Variants in MDN1 observed in about 807,000 individuals in gnomAD.
The protein encoded by MDN1 is midasin.
A neutral mutation model predicts 669.2 loss-of-function variants in MDN1; 266 were observed. The observed-to-expected ratio is 0.40, with a 90% CI of 0.36 to 0.44. The LOEUF (loss-of-function observed/expected upper bound fraction) is 0.44, where lower values mean the gene tolerates loss of function less well. MDN1 is among the 20% of genes least tolerant of loss of function. MDN1 has a pLI of 1.00. For synonymous variants in MDN1, 2,385 were observed against 2,457.1 expected (o/e 0.97, Z 0.87); for missense variants, 5,940 against 6,754.0 (o/e 0.88, Z 4.22).
At chr6:89,799,278 AAGAC>A (rs1204010720) in intron 2 of MDN1, among the ~76,000 whole-genome samples, 2 of 152,260 alleles carry the variant, frequency 1.3e-5, no homozygotes, top group African/African-American at 2.4e-5. Flanking sequence ...TACCAATCAA[AAGAC>A]AGACAGCACT....
intron 53 of MDN1, 84 bp downstream of exon 53, chr6:89,705,975 A>G (rs1584234826): frequency 7.9e-7 from 1 of 1,273,076 alleles, no homozygotes; most frequent in Non-Finnish European, 1.1e-6. Context: ...TAACAACACT[A>G]AAGTTAGTCT....
chr6:89,792,265 G>T (rs1022602833), intron 5 of MDN1, among the ~76,000 whole-genome samples: 1 of 152,124 alleles, frequency 6.6e-6, no homozygotes, highest in Non-Finnish European at 1.5e-5. Flanking sequence ...AAATATGGCT[G>T]GTTCCCTAAA....
At chr6:89,661,205 AG>A (rs1241216481) in intron 88 of MDN1, among the ~76,000 whole-genome samples, 1 of 152,226 alleles carries the variant, frequency 6.6e-6, no homozygotes, top group Non-Finnish European at 1.5e-5. Flanking sequence ...AAGCGAGAAT[AG>A]GACATGACAG....
Position 89,644,113 on chromosome 6 carries a change from G to A in MDN1, c.16683C>T (p.Phe5561=). Residue 5561 remains phenylalanine (F), a synonymous_variant, in exon 102 of 102, where the codon TTC becomes TTT. Transcript: ENST00000369393. The part of the protein sequence containing the change: ...MPEIRSYMEE[F]PFPYYIILRD... ...GAAGAATGATATAGTATGGGAATGG[G>A]AACTCTTCCATGTAGGATCGGATTT... 1.2e-6 allele frequency: 2 copies of A among 1,613,908 alleles called. No individual in the cohort carries two copies.
intron 53 of MDN1, among the ~76,000 whole-genome samples, chr6:89,702,277 AAG>A (rs1813211663): frequency 1.3e-5 from 2 of 152,318 alleles, no homozygotes; most frequent in Admixed American, 1.3e-4. Flanking sequence ...AGAGGAGGTG[AAG>A]ATCTTTTCTC....
chr6:89,689,316 C>T (rs1812225925), intron 65 of MDN1, among the ~76,000 whole-genome samples: 1 of 152,178 alleles, frequency 6.6e-6, no homozygotes, highest in Admixed American at 6.5e-5. Flanking sequence ...TAGGTATAAA[C>T]AAATGGTGTA....
chr6:89,690,766 C>G lies in MDN1; in HGVS notation c.10656G>C (p.Leu3552=). 1 of 1,614,180 alleles carries G rather than the reference C, an allele frequency of 6.2e-7. No homozygotes were observed. The highest frequency in any genetic ancestry group is 1.3e-5 in the African/African-American group (1 of 75,040). Residue 3552 remains leucine, a synonymous_variant, in exon 64 of 102, where the codon CTG becomes CTC. Transcript: ENST00000369393. ...AQEKAEQESG[L]YRYRSRNSRT... ...TAGAGTTCCTGCTCCTGTATCTATA[C>G]AGGCCGCTTTCCTGCTCAGCCTTCT...
intron 90 of MDN1, among the ~76,000 whole-genome samples, chr6:89,657,397 G>C (rs1217337329): frequency 6.6e-6 from 1 of 152,170 alleles, no homozygotes; most frequent in African/African-American, 2.4e-5. Flanking sequence ...CAGGTCCTGC[G>C]TTGACATCCC....
chr6:89,746,765 A>G (rs1184684968), intron 27 of MDN1, among the ~76,000 whole-genome samples: 1 of 152,194 alleles, frequency 6.6e-6, no homozygotes, highest in Non-Finnish European at 1.5e-5. Context: ...TTAATCAATC[A>G]TCAGCACTTT....
intron 40 of MDN1, among the ~76,000 whole-genome samples, chr6:89,721,634 C>T (rs1584265126): frequency 1.3e-5 from 2 of 152,208 alleles, no homozygotes; most frequent in South Asian, 4.2e-4. Flanking sequence ...AAGGGTCTTG[C>T]CTCACCCAAG....
In MDN1 at chr6:89,653,001, C is replaced by A; in HGVS notation, c.15816G>T (p.Thr5272=). The part of the protein sequence containing the change: ...IHTAHQFLMD[T]IFQPFLKDVN... ...TTGTGAGTTTTACTACCTGGAAGAT[C>A]GTGTCCATGAGGAATTGATGAGCTG... Residue 5272 remains threonine, a synonymous_variant, in exon 94 of 102, where the codon ACG becomes ACT. Coordinates refer to ENST00000369393, the MANE Select transcript of MDN1 (RefSeq NM_014611.3). The A allele has an allele frequency of 1.2e-6, 2 of 1,613,014 alleles. No homozygotes were observed. Among genetic ancestry groups the A allele is most frequent in the Non-Finnish European group, 1.7e-6 (2 of 1,179,728 alleles).
At position 89,761,648 on chromosome 6, in the gene MDN1, T is replaced by TA; in HGVS notation, c.2456dup (p.Glu820ArgfsTer18). ...TAAATAACAAAAACAGAAATACCTC[T>TA]ACAAATGCGAACAATAAGGTATTTT... On this transcript the variant is annotated frameshift_variant, in exon 17 of 102. Transcript: ENST00000369393. LOFTEE classifies it high-confidence loss of function. 2 of 1,603,832 alleles carry TA rather than the reference T, an allele frequency of 1.2e-6. No homozygotes were observed. Among genetic ancestry groups the TA allele is most frequent in the Non-Finnish European group, 1.7e-6 (2 of 1,173,778 alleles).
At position 89,754,146 on chromosome 6, in the gene MDN1, C is replaced by G. The variant is rs933770633; in HGVS notation, c.2901G>C (p.Leu967=). The G allele has an allele frequency of 6.2e-7, 1 of 1,614,152 alleles. No homozygotes were observed. Among genetic ancestry groups the G allele is most frequent in the Admixed American group, 1.7e-5 (1 of 60,012 alleles). The change falls in exon 21 of 102, where the codon CTG becomes CTC. Residue 967 remains leucine (L), a synonymous_variant. Transcript: ENST00000369393. ...AGGCTGCAAATCGCAGGGCCCGGCACAGAGTCCGAAGGCTGTAGTGAGGTC... is the reference window on the plus strand; with the variant it reads ...AGGCTGCAAATCGCAGGGCCCGGCAGAGAGTCCGAAGGCTGTAGTGAGGTC... The part of the protein sequence containing the change: ...GHRPHYSLRT[L]CRALRFAASN...
chr6:89,751,248 T>C (rs956399371), intron 23 of MDN1, 183 bp downstream of exon 23: 3 of 649,010 alleles, frequency 4.6e-6, no homozygotes, highest in African/African-American at 3.7e-5. Context: ...CCCTCCAAAG[T>C]TGCACAACTA....
chr6:89,703,986 C>G (rs916068083), intron 53 of MDN1, among the ~76,000 whole-genome samples: 3 of 140,328 alleles, frequency 2.1e-5, no homozygotes, highest in Non-Finnish European at 3.0e-5. Flanking sequence ...GCACTCCAGT[C>G]TGGGCAACAA....
At position 89,683,888 on chromosome 6, in the gene MDN1, G is replaced by T; in HGVS notation, c.11846C>A (p.Ser3949Tyr). The change falls in exon 72 of 102, where the codon TCC becomes TAC. Residue 3949 changes from serine (S) to tyrosine (Y), a missense_variant. Ser to Tyr is a moderately radical substitution (Grantham distance 144). This residue lies in a region of MDN1 where 2,280 missense variants were observed against 2,576.3 expected (regional missense o/e 0.88). Coordinates refer to ENST00000369393, the MANE Select transcript of MDN1 (RefSeq NM_014611.3). Reference protein sequence around the residue: ...EKELKEFVKISKWNDVSFWSI... With the variant: ...EKELKEFVKIYKWNDVSFWSI... Reference sequence around the variant, plus strand: ...CCAGAAGCTGACATCATTCCACTTGGAAATCTTAACAAATTCCTGTAAGAT... The same window carrying T: ...CCAGAAGCTGACATCATTCCACTTGTAAATCTTAACAAATTCCTGTAAGAT... 1 of 1,612,800 alleles carries T rather than the reference G, an allele frequency of 6.2e-7. No homozygotes were observed. The highest frequency in any genetic ancestry group is 2.2e-5 in the East Asian group (1 of 44,860).
At chr6:89,661,622 T>G in intron 87 of MDN1, 44 bp from the exon 88 acceptor site, 2 of 1,540,526 alleles carry the variant, frequency 1.3e-6, no homozygotes, top group Non-Finnish European at 1.7e-6. Context: ...AAAATACAAA[T>G]ATTTTTTTAA....
rs763088601 is a variant in MDN1 at position 89,690,819 on chromosome 6, A to T, written c.10603T>A (p.Trp3535Arg). 6.2e-7 allele frequency: 1 copy of T among 1,613,406 alleles called. No individual in the cohort carries two copies. The highest frequency in any genetic ancestry group is 8.5e-7 in the Non-Finnish European group (1 of 1,179,820). ...RHVCQEIISEWDEQERIAQEK... is the reference protein window; with the variant it reads ...RHVCQEIISERDEQERIAQEK... ...TGGGCTATGCGTTCCTGCTCATCCC[A>T]CTCACTGATGATTTCCTGAAAGTCA... Residue 3535 changes from tryptophan to arginine, a missense_variant, in exon 64 of 102, where the codon TGG becomes AGG. Transcript: ENST00000369393.
intron 5 of MDN1, among the ~76,000 whole-genome samples, chr6:89,793,072 C>A (rs912878957): frequency 2.9e-4 from 44 of 152,224 alleles, no homozygotes; most frequent in African/African-American, 1.0e-3. Context: ...TAGTGCCAGA[C>A]TTATGATCTG....
Sources: gnomAD v4.1 joint callset for allele counts (sites outside exome capture counted in the v4.1 genomes callset) on GRCh38, gnomAD v4.1.1 for gene constraint, gnomAD v4.1.1 regional missense constraint, MANE v1.5 for transcripts, NCBI Gene and HGNC (gene_info 2026-07-23, HGNC 2026-07-21) for gene names.